Variants in LRR1 observed in about 807,000 individuals in gnomAD.
LRR1 encodes leucine-rich repeat protein 1.
A neutral mutation model predicts 31.6 loss-of-function variants in LRR1; 29 were observed. The observed-to-expected ratio is 0.92, with a 90% CI of 0.68 to 1.25. The LOEUF is 1.25. LRR1 is among the 50% of genes most tolerant of loss of function. The pLI is 0.00. For missense variants in LRR1, 485 were observed against 487.2 expected (o/e 1.00, Z 0.04); for synonymous variants, 179 against 181.4 (o/e 0.99, Z 0.10).
chr14:49,612,725 T>C (rs544162183), intron 3 of LRR1: 1 of 790,108 alleles, frequency 1.3e-6, no homozygotes, highest in African/African-American at 1.9e-5. Flanking sequence ...TGTTTATTTG[T>C]TGAAAAATAT....
At chr14:49,607,296 G>C (rs2354445) in intron 2 of LRR1, 104 bp from the exon 3 acceptor site, 7 of 1,165,328 alleles carry the variant, frequency 6.0e-6, no homozygotes, top group Non-Finnish European at 8.1e-6. Context: ...GTAAATCATT[G>C]TATCACATTC....
rs764784952 is a variant in LRR1 at position 49,614,618 on chromosome 14, A to G, written c.*122A>G. Reference sequence around the variant, plus strand: ...TACTTGCTGGAGAGGAGGAATGTGTATAGTTACTCATTTAGATGACTCCAA... The same window carrying G: ...TACTTGCTGGAGAGGAGGAATGTGTGTAGTTACTCATTTAGATGACTCCAA... On this transcript the variant is annotated 3_prime_UTR_variant, in exon 4 of 4. Transcript: ENST00000298288. 4 of 1,335,042 alleles carry G rather than the reference A, an allele frequency of 3.0e-6. No homozygotes were observed. In the South Asian group the frequency reaches 4.8e-5, roughly 16 times the overall value. The allele number at this position is 1,335,042 out of a possible 1,614,324, so 82.7% of individuals were successfully genotyped here. A position where few individuals can be genotyped will look rare whatever the true frequency, so the allele number is the denominator to read the frequency against.
At chr14:49,611,190 C>CT (rs1882496959) in intron 3 of LRR1, among the ~76,000 whole-genome samples, 1 of 152,024 alleles carries the variant, frequency 6.6e-6, no homozygotes, top group African/African-American at 2.4e-5. Flanking sequence ...TTTAAAACAT[C>CT]TGAAGGCCAG....
intron 1 of LRR1, chr14:49,601,717 C>G (rs1403113503): frequency 7.8e-7 from 1 of 1,278,060 alleles, no homozygotes; most frequent in Non-Finnish European, 1.0e-6. Flanking sequence ...GGAGCATTCT[C>G]TCAAAACATG....
rs1416027030 is a variant in LRR1, at chr14:49,604,051, C to T, written c.282+1583C>T. On this transcript the variant is annotated intron_variant, in intron 2 of 3. Coordinates refer to ENST00000298288, the MANE Select transcript of LRR1 (RefSeq NM_152329.4). Reference sequence around the variant, plus strand: ...GGTGCCATAGCTCACACCTGTAATCCCAGCACTTTGGAAGGCCAAGACTGG... The same window carrying T: ...GGTGCCATAGCTCACACCTGTAATCTCAGCACTTTGGAAGGCCAAGACTGG... 3.3e-5 allele frequency among the ~76,000 whole-genome samples: 5 copies of T among 151,822 alleles called. No homozygotes were observed. In the South Asian group the frequency reaches 1.0e-3, roughly 32 times the overall value.
chr14:49,601,122 C>T (rs1957978), intron 1 of LRR1: 1 of 1,610,556 alleles, frequency 6.2e-7, no homozygotes, highest in South Asian at 1.1e-5. Flanking sequence ...TGGGCCATAC[C>T]TGAGGAGAGA....
In LRR1 at chr14:49,599,072, G is replaced by A; in HGVS notation, c.52G>A (p.Gly18Arg). The change falls in exon 1 of 4, where the codon GGG becomes AGG. Residue 18 changes from glycine (G) to arginine (R), a missense_variant. Around this residue, in one of 3 missense-constraint regions of LRR1, gnomAD observed 260 missense variants for 249.6 expected, o/e 1.04. Transcript: ENST00000298288. ...GATCAGCCGGCACTTGCCCGCCTTGGGGCTTAGGAACCGGGGCAAGGGCGT... is the reference window on the plus strand; with the variant it reads ...GATCAGCCGGCACTTGCCCGCCTTGAGGCTTAGGAACCGGGGCAAGGGCGT... ...EVISRHLPAL[G>R]LRNRGKGVRA... 1 of 1,609,808 alleles carries A rather than the reference G, an allele frequency of 6.2e-7. No homozygotes were observed. The highest frequency in any genetic ancestry group is 8.5e-7 in the Non-Finnish European group (1 of 1,178,192).
In LRR1 at chr14:49,603,787, G is replaced by A. The variant is rs545782417; in HGVS notation, c.282+1319G>A. On this transcript the variant is annotated intron_variant, in intron 2 of 3. Transcript: ENST00000298288. ...CAGCTCACTGCAACCTCCACCTCCC[G>A]GGTTCAAGCGATTCTCCTGCCCCAG... is the stretch of plus-strand genomic sequence containing the variant. Among the ~76,000 whole-genome samples, 427 of 138,172 alleles carry A rather than the reference G, an allele frequency of 3.1e-3. 4 individuals carry two copies. The highest frequency in any genetic ancestry group is 0.01 in the African/African-American group (394 of 38,016). The allele number at this position is 138,172 out of a possible 152,430, so 90.6% of individuals were successfully genotyped here. A position where few individuals can be genotyped will look rare whatever the true frequency, so the allele number is the denominator to read the frequency against.
chr14:49,600,464 A>G (rs1260583350), intron 1 of LRR1: 1 of 1,590,904 alleles, frequency 6.3e-7, no homozygotes, highest in Non-Finnish European at 8.6e-7. Flanking sequence ...AGATAGGAGC[A>G]TGCTGCTATG....
At chr14:49,605,533 C>T (rs1882248106) in intron 2 of LRR1, among the ~76,000 whole-genome samples, 1 of 152,186 alleles carries the variant, frequency 6.6e-6, no homozygotes, top group African/African-American at 2.4e-5. Flanking sequence ...ATCATTATTT[C>T]TCATTATTTT....
Position 49,599,223 on chromosome 14 carries a change from C to A in LRR1, c.183+20C>A, listed in dbSNP as rs1355126608. The A allele has an allele frequency of 6.3e-7, 1 of 1,576,674 alleles. No homozygotes were observed. The highest frequency in any genetic ancestry group is 8.6e-7 in the Non-Finnish European group (1 of 1,158,878). ...TATGAGGTGCGTGAAGTGGGCAGGCCCTGTCAGTCTCGCGTTCTTCTTGGA... is the reference window on the plus strand; with the variant it reads ...TATGAGGTGCGTGAAGTGGGCAGGCACTGTCAGTCTCGCGTTCTTCTTGGA... On this transcript the variant is annotated intron_variant, in intron 1 of 3. Transcript: ENST00000298288.
At chr14:49,601,637 T>C in intron 1 of LRR1, 1 of 1,289,608 alleles carries the variant, frequency 7.8e-7, no homozygotes. Context: ...GCTAATGGAC[T>C]GAAGTTATGA....
At chr14:49,607,161 G>A (rs1882317155) in intron 2 of LRR1, among the ~76,000 whole-genome samples, 2 of 151,242 alleles carry the variant, frequency 1.3e-5, no homozygotes, top group African/African-American at 4.9e-5. Flanking sequence ...CCAAAGTGTT[G>A]GCATGACTTC....
At chr14:49,606,649 A>ATTTTTTT (rs58159657) in intron 2 of LRR1, among the ~76,000 whole-genome samples, 1 of 145,130 alleles carries the variant, frequency 6.9e-6, no homozygotes, top group African/African-American at 2.6e-5. Context: ...TTAAACTCAA[A>ATTTTTTT]TTTTTTTTTT....
At chr14:49,608,630 T>C (rs1882387732) in intron 3 of LRR1, among the ~76,000 whole-genome samples, 1 of 151,664 alleles carries the variant, frequency 6.6e-6, no homozygotes, top group African/African-American at 2.4e-5. Flanking sequence ...CAATAAGTAG[T>C]TAAATGAATG....
At chr14:49,605,673 A>G (rs1342785372) in intron 2 of LRR1, among the ~76,000 whole-genome samples, 1 of 152,160 alleles carries the variant, frequency 6.6e-6, no homozygotes, top group Non-Finnish European at 1.5e-5. Context: ...TCTTGCTTCC[A>G]GCAACATTTT....
At chr14:49,600,012 G>A in intron 1 of LRR1, 2 of 1,608,402 alleles carry the variant, frequency 1.2e-6, no homozygotes, top group South Asian at 1.1e-5. Context: ...CGGGCCCGGC[G>A]CGCTGATGCT....
intron 1 of LRR1, chr14:49,601,769 A>G (rs1882062765): frequency 2.3e-6 from 2 of 873,382 alleles, no homozygotes; most frequent in Non-Finnish European, 3.2e-6. Flanking sequence ...CAGACAGAGC[A>G]GTAACATCCA....
rs1881925993 is a variant in LRR1 at position 49,599,044 on chromosome 14, G to A, written c.24G>A (p.Glu8=). ...AGATGAAGCTACACTGTGAGGTGGA[G>A]GTGATCAGCCGGCACTTGCCCGCCT... MKLHCEV[E]VISRHLPALG... Residue 8 remains glutamate, a synonymous_variant, in exon 1 of 4, where the codon GAG becomes GAA. Coordinates refer to ENST00000298288, the MANE Select transcript of LRR1 (RefSeq NM_152329.4). 1.2e-6 allele frequency: 2 copies of A among 1,609,694 alleles called. No individual in the cohort carries two copies. Among genetic ancestry groups the A allele is most frequent in the Non-Finnish European group, 1.7e-6 (2 of 1,178,142 alleles).
Sources: gnomAD v4.1 joint callset for allele counts (sites outside exome capture counted in the v4.1 genomes callset) on GRCh38, gnomAD v4.1.1 for gene constraint, gnomAD v4.1.1 regional missense constraint, MANE v1.5 for transcripts, NCBI Gene and HGNC (gene_info 2026-07-23, HGNC 2026-07-21) for gene names.